SPTY2D1: variants seen among roughly 807,000 people sequenced by gnomAD.
The protein encoded by SPTY2D1 is SPT2 chromatin protein domain containing 1.
SPTY2D1 carries 21 observed loss-of-function variants against 64.0 expected under a neutral mutation model. The ratio of observed to expected loss-of-function variants is 0.33; its 90% CI spans 0.23 to 0.47. The LOEUF (loss-of-function observed/expected upper bound fraction) is 0.47. SPTY2D1 is among the 20% of genes least tolerant of loss of function. SPTY2D1 has a pLI of 1.00. For missense variants in SPTY2D1, 724 were observed against 837.2 expected, an observed-to-expected ratio of 0.86 and a Z score of 1.67; for synonymous variants, 287 against 286.8, an observed-to-expected ratio of 1.00 and a Z score of -0.01.
intron 1 of SPTY2D1, among the ~76,000 whole-genome samples, chr11:18,626,518 C>T (rs1854501624): frequency 6.6e-6 from 1 of 152,118 alleles, no homozygotes; most frequent in Non-Finnish European, 1.5e-5. Flanking sequence ...ACCTTCCTCA[C>T]TATACCATCC....
intron 5 of SPTY2D1, among the ~76,000 whole-genome samples, chr11:18,610,492 C>T (rs1372791589): frequency 6.6e-6 from 1 of 151,590 alleles, no homozygotes; most frequent in African/African-American, 2.4e-5. Flanking sequence ...GGTGAAACCC[C>T]ATCTCTACTA....
At chr11:18,622,019 C>T (rs1048937805) in intron 1 of SPTY2D1, among the ~76,000 whole-genome samples, 2 of 128,378 alleles carry the variant, frequency 1.6e-5, no homozygotes, top group Non-Finnish European at 3.1e-5. Flanking sequence ...CCAGGGAGGT[C>T]GAGGCTGCAG....
intron 2 of SPTY2D1, 48 bp downstream of exon 2, chr11:18,616,827 G>A (rs747999616): frequency 6.4e-7 from 1 of 1,574,062 alleles, no homozygotes; most frequent in Non-Finnish European, 8.7e-7. Context: ...AAGCTAGATG[G>A]TGAAGATGGA....
At chr11:18,622,886 A>T (rs1854437309) in intron 1 of SPTY2D1, among the ~76,000 whole-genome samples, 1 of 152,006 alleles carries the variant, frequency 6.6e-6, no homozygotes, top group African/African-American at 2.4e-5. Flanking sequence ...CAGGAGGTGG[A>T]GGTTGCAGTG....
chr11:18,615,338 A>G lies in SPTY2D1; in HGVS notation c.936T>C (p.Ala312=). ...AAGAGGTGCTGGAATGAGGCTTTCC[A>G]GCTCCATTAAAAACAGGTTTGTCGT... ...EGHDKPVFNG[A]GKPHSSTSSP... The change falls in exon 3 of 6, where the codon GCT becomes GCC. Residue 312 remains alanine, a synonymous_variant. Coordinates refer to ENST00000336349, the MANE Select transcript of SPTY2D1 (RefSeq NM_194285.3). 1 of 1,614,184 alleles carries G rather than the reference A, an allele frequency of 6.2e-7. No individual in the cohort carries two copies. Among genetic ancestry groups the G allele is most frequent in the Non-Finnish European group, 8.5e-7 (1 of 1,180,036 alleles).
rs566241111 is a variant in SPTY2D1 at position 18,606,868 on chromosome 11, C to G, written c.*2993G>C. On this transcript the variant is annotated 3_prime_UTR_variant, in exon 6 of 6. Coordinates refer to ENST00000336349, the MANE Select transcript of SPTY2D1 (RefSeq NM_194285.3). Reference sequence around the variant, plus strand: ...AAATGAAAATTTGAGTTCCCACATTCTTTTTTTTTTGACATGGAGTCTCGC... The same window carrying G: ...AAATGAAAATTTGAGTTCCCACATTGTTTTTTTTTTGACATGGAGTCTCGC... 701 of 325,912 alleles carry G rather than the reference C, an allele frequency of 2.2e-3. 2 individuals are homozygous for G. The highest frequency in any genetic ancestry group is 6.1e-3 in the Middle Eastern group (11 of 1,816). 20.2% of individuals were successfully genotyped at this position (325,912 alleles called of 1,614,324 possible). A position where few individuals can be genotyped will look rare whatever the true frequency, so the allele number is the denominator to read the frequency against.
Position 18,613,490 on chromosome 11 carries a change from A to AG in SPTY2D1, c.1712-1003dup, listed in dbSNP as rs1465604783. Among the ~76,000 whole-genome samples, 2 of 152,174 alleles carry AG rather than the reference A, an allele frequency of 1.3e-5. 1 individual carries two copies. On this transcript the variant is annotated intron_variant, in intron 3 of 5. Transcript: ENST00000336349. ...TCGGACCAGATAATTCTTTGCTGTC[A>AG]GGGGGCTATCCCATGCATTGTTTGT... is the stretch of plus-strand genomic sequence containing the variant.
At chr11:18,632,398 C>A (rs912338206) in intron 1 of SPTY2D1, among the ~76,000 whole-genome samples, 1 of 151,568 alleles carries the variant, frequency 6.6e-6, no homozygotes, top group African/African-American at 2.4e-5. Context: ...GTTGCCCAGG[C>A]TGGAGTGCAA....
chr11:18,625,628 T>A (rs1854482887), intron 1 of SPTY2D1, among the ~76,000 whole-genome samples: 1 of 151,998 alleles, frequency 6.6e-6, no homozygotes, highest in African/African-American at 2.4e-5. Flanking sequence ...TGGCATGACC[T>A]TGGCTCACTG....
Position 18,614,794 on chromosome 11 carries a change from T to C in SPTY2D1, c.1480A>G (p.Arg494Gly), listed in dbSNP as rs1854263231. The C allele has an allele frequency of 3.0e-5, 49 of 1,612,918 alleles. No individual in the cohort carries two copies. The highest frequency in any genetic ancestry group is 4.0e-5 in the Non-Finnish European group (47 of 1,179,170). ...GCTGGAATTGAGCCACTTATGGATCTCCCAGGGCCACTGACAGACCGCCCC... is the reference window on the plus strand; with the variant it reads ...GCTGGAATTGAGCCACTTATGGATCCCCCAGGGCCACTGACAGACCGCCCC... The part of the protein sequence containing the change: ...PPGRSVSGPG[R>G]SISGSIPAGR... The change falls in exon 3 of 6, where the codon AGA (arginine) becomes GGA (glycine). Residue 494 changes from arginine to glycine, a missense_variant. This residue lies in a region of SPTY2D1 where 426 missense variants were observed against 431.8 expected (regional missense o/e 0.99). Transcript: ENST00000336349.
At position 18,607,498 on chromosome 11, in the gene SPTY2D1, C is replaced by G. The variant is rs2134105881; in HGVS notation, c.*2363G>C. ...GATTAACATTACCCAAAAGGCACAT[C>G]TTCAAATGTTGAATTAAGAAAATCC... On this transcript the variant is annotated 3_prime_UTR_variant, in exon 6 of 6. Transcript: ENST00000336349. 6.5e-6 allele frequency: 1 copy of G among 152,692 alleles called. No homozygotes were observed. Among genetic ancestry groups the G allele is most frequent in the Middle Eastern group, 3.4e-3 (1 of 294 alleles). The allele number at this position is 152,692 out of a possible 1,614,324, so 9.5% of individuals were successfully genotyped here.
intron 3 of SPTY2D1, among the ~76,000 whole-genome samples, chr11:18,613,054 C>T (rs1032542930): frequency 2.0e-5 from 3 of 152,154 alleles, no homozygotes; most frequent in South Asian, 4.1e-4. Context: ...GGCGCCACCG[C>T]GCCCGGCCAA....
chr11:18,613,577 C>T (rs1322112914), intron 3 of SPTY2D1, among the ~76,000 whole-genome samples: 2 of 152,156 alleles, frequency 1.3e-5, no homozygotes, highest in South Asian at 2.1e-4. Flanking sequence ...CCAGTTGTGA[C>T]GATTGCCAAA....
chr11:18,612,518 C>A lies in SPTY2D1; in HGVS notation c.1712-30G>T, dbSNP rs764240310. Reference sequence around the variant, plus strand: ...GAAACCATTATTTATAAGAATATTACAATTTAAAATAGTTCCAATGCAGTT... The same window carrying A: ...GAAACCATTATTTATAAGAATATTAAAATTTAAAATAGTTCCAATGCAGTT... On this transcript the variant is annotated intron_variant, in intron 3 of 5. Coordinates refer to ENST00000336349, the MANE Select transcript of SPTY2D1 (RefSeq NM_194285.3). The surrounding 1 kb of genome is among the most constrained non-coding windows in gnomAD (Gnocchi z 4.6). 1.9e-6 allele frequency: 3 copies of A among 1,542,496 alleles called. No homozygotes were observed. Among genetic ancestry groups the A allele is most frequent in the East Asian group, 4.6e-5 (2 of 43,746 alleles).
At chr11:18,630,235 G>T (rs1420049189) in intron 1 of SPTY2D1, among the ~76,000 whole-genome samples, 1 of 151,834 alleles carries the variant, frequency 6.6e-6, no homozygotes, top group Non-Finnish European at 1.5e-5. Flanking sequence ...CCAGCACTTT[G>T]GGAGGCCGAG....
intron 1 of SPTY2D1, among the ~76,000 whole-genome samples, chr11:18,628,863 G>A (rs934859961): frequency 1.5e-4 from 23 of 152,152 alleles, no homozygotes; most frequent in African/African-American, 4.6e-4. Flanking sequence ...TATGCAAATC[G>A]TGGGCTTTTT....
At chr11:18,618,461 A>AT (rs1353860763) in intron 1 of SPTY2D1, among the ~76,000 whole-genome samples, 4 of 152,250 alleles carry the variant, frequency 2.6e-5, no homozygotes, top group Non-Finnish European at 2.9e-5. Context: ...TTTCCACTTT[A>AT]TAAGTACCTA....
Position 18,615,315 on chromosome 11 carries a change from G to C in SPTY2D1, c.959C>G (p.Ser320Cys). The change falls in exon 3 of 6, where the codon TCT becomes TGT. Residue 320 changes from serine (S) to cysteine (C), a missense_variant. Physicochemically the swap from Ser to Cys is moderately radical, Grantham distance 112. This residue lies in a region of SPTY2D1 where 426 missense variants were observed against 431.8 expected (regional missense o/e 0.99). Coordinates refer to ENST00000336349, the MANE Select transcript of SPTY2D1 (RefSeq NM_194285.3). Reference protein sequence around the residue: ...NGAGKPHSSTSSPSVPKTSAS... With the variant: ...NGAGKPHSSTCSPSVPKTSAS... ...AGAAGTCTTTGGGACACTTGGTGAA[G>C]AGGTGCTGGAATGAGGCTTTCCAGC... 1 of 1,614,234 alleles carries C rather than the reference G, an allele frequency of 6.2e-7. No individual in the cohort carries two copies.
At position 18,615,448 on chromosome 11, in the gene SPTY2D1, C is replaced by T. The variant is rs747664214; in HGVS notation, c.826G>A (p.Ala276Thr). The change falls in exon 3 of 6, where the codon GCT (alanine) becomes ACT (threonine). Residue 276 changes from alanine (A) to threonine (T), a missense_variant. Coordinates refer to ENST00000336349, the MANE Select transcript of SPTY2D1 (RefSeq NM_194285.3). ...RPSMANEKHL[A>T]LSSSKSMPGE... ...GGCATGGATTTGGATGAAGACAAAGCGAGGTGTTTCTCATTGGCCATGCTG... is the reference window on the plus strand; with the variant it reads ...GGCATGGATTTGGATGAAGACAAAGTGAGGTGTTTCTCATTGGCCATGCTG... The T allele has an allele frequency of 2.5e-6, 4 of 1,614,146 alleles. No individual in the cohort carries two copies. Among genetic ancestry groups the T allele is most frequent in the South Asian group, 2.2e-5 (2 of 91,082 alleles).
Sources: gnomAD v4.1 joint callset for allele counts (sites outside exome capture counted in the v4.1 genomes callset) on GRCh38, gnomAD v4.1.1 for gene constraint, gnomAD v4.1.1 regional missense constraint, Gnocchi (gnomAD v3.1) non-coding constraint, MANE v1.5 for transcripts, NCBI Gene and HGNC (gene_info 2026-07-23, HGNC 2026-07-21) for gene names.